Variants in EFCAB5 observed in about 807,000 individuals in gnomAD.
EFCAB5 encodes EF-hand calcium-binding domain-containing protein 5.
In EFCAB5, 131 loss-of-function variants were observed where a neutral mutation model predicts 167.9. That is an observed-to-expected ratio of 0.78 (90% CI 0.68 to 0.90). The LOEUF is 0.90. Among genes scored for constraint, EFCAB5 ranks in the 40% least tolerant of loss-of-function variants. EFCAB5 has a pLI of 0.00. For synonymous variants in EFCAB5, 574 were observed against 602.8 expected (o/e 0.95, Z 0.70); for missense variants, 1,663 against 1,745.2 (o/e 0.95, Z 0.84).
intron 14 of EFCAB5, among the ~76,000 whole-genome samples, chr17:30,060,958 G>T (rs1188529341): frequency 6.6e-6 from 1 of 152,126 alleles, no homozygotes; most frequent in Non-Finnish European, 1.5e-5. Flanking sequence ...GAAGGCTTTA[G>T]ATATGAAGAA....
In EFCAB5 at chr17:30,089,889, C is replaced by T. The variant is rs144623385; in HGVS notation, c.3684-532C>T. Among the ~76,000 whole-genome samples the T allele has an allele frequency of 4.3e-4, 65 of 152,258 alleles. No homozygotes were observed. The East Asian group carries it at 0.011, about 27-fold the overall frequency. On this transcript the variant is annotated intron_variant, in intron 19 of 22. Coordinates refer to ENST00000394835, the MANE Select transcript of EFCAB5 (RefSeq NM_198529.4). ...TTCAGAGCTCCCCTTGGGATCAGGC[C>T]GAGGCTAGACTTCATGTGAAATTAC...
At chr17:29,936,731 C>T (rs1332744874), upstream of EFCAB5, among the ~76,000 whole-genome samples, 1 of 152,200 alleles carries the variant, frequency 6.6e-6, no homozygotes, top group African/African-American at 2.4e-5. Flanking sequence ...CTCTGGTTTG[C>T]ATATATCTCT....
chr17:29,960,327 T>C (rs2067696173), intron 3 of EFCAB5, among the ~76,000 whole-genome samples: 1 of 152,160 alleles, frequency 6.6e-6, no homozygotes, highest in Non-Finnish European at 1.5e-5. Flanking sequence ...CTTATGAAGG[T>C]GCTTTCTTGT....
chr17:30,028,881 G>C (rs1477096709), intron 7 of EFCAB5, among the ~76,000 whole-genome samples: 4 of 152,088 alleles, frequency 2.6e-5, no homozygotes, highest in Non-Finnish European at 5.9e-5. Context: ...TCTTCTTTAA[G>C]AACACTAGTC....
intron 1 of EFCAB5, among the ~76,000 whole-genome samples, chr17:29,933,396 T>C (rs2067219024): frequency 6.6e-6 from 1 of 152,214 alleles, no homozygotes; most frequent in African/African-American, 2.4e-5. Flanking sequence ...GCCCCATTTA[T>C]ACCTAATTTC....
chr17:29,997,439 C>A (rs1192226590), intron 6 of EFCAB5, among the ~76,000 whole-genome samples: 2 of 150,960 alleles, frequency 1.3e-5, no homozygotes, highest in African/African-American at 4.9e-5. Flanking sequence ...TGGAATAGGG[C>A]AAAATGAATA....
In EFCAB5 at chr17:30,108,274, T is replaced by G. The variant is rs1270993458; in HGVS notation, c.*250T>G. ...TATAGAATATATTTGAAAGCTTCCTTTCAGTTTGAGCTTTGTATCTGCTGT... is the reference window on the plus strand; with the variant it reads ...TATAGAATATATTTGAAAGCTTCCTGTCAGTTTGAGCTTTGTATCTGCTGT... On this transcript the variant is annotated 3_prime_UTR_variant, in exon 23 of 23. Transcript: ENST00000394835. 1 of 317,898 alleles carries G rather than the reference T, an allele frequency of 3.1e-6. No homozygotes were observed. The highest frequency in any genetic ancestry group is 2.2e-5 in the African/African-American group (1 of 44,608). 19.7% of individuals were successfully genotyped at this position (317,898 alleles called of 1,614,324 possible).
chr17:30,019,158 C>G (rs569021817), intron 7 of EFCAB5, among the ~76,000 whole-genome samples: 1 of 152,262 alleles, frequency 6.6e-6, no homozygotes, highest in South Asian at 2.1e-4. Context: ...TCTTTGTAAG[C>G]ATGCCTGGGC....
intron 22 of EFCAB5, among the ~76,000 whole-genome samples, chr17:30,100,494 G>A (rs1041675531): frequency 3.3e-5 from 5 of 152,190 alleles, no homozygotes; most frequent in Admixed American, 6.5e-5. Flanking sequence ...TAGGCCGGGC[G>A]TGGTGGCTCA....
At chr17:29,988,787 C>CA (rs1298016960) in intron 4 of EFCAB5, among the ~76,000 whole-genome samples, 1 of 151,690 alleles carries the variant, frequency 6.6e-6, no homozygotes, top group Non-Finnish European at 1.5e-5. Context: ...CAATTTGATC[C>CA]AAAAAAGGAG....
chr17:29,930,628 C>T (rs1489070017), intron 1 of EFCAB5, among the ~76,000 whole-genome samples: 2 of 152,094 alleles, frequency 1.3e-5, no homozygotes, highest in Non-Finnish European at 2.9e-5. Context: ...AACCCTCTCA[C>T]TGGGCGCAGA....
At chr17:30,039,567 G>C (rs922875190) in intron 8 of EFCAB5, among the ~76,000 whole-genome samples, 1 of 152,176 alleles carries the variant, frequency 6.6e-6, no homozygotes, top group African/African-American at 2.4e-5. Context: ...TTGTGGTGGA[G>C]GTACCAAGAT....
chr17:30,046,798 G>A (rs1380284744), intron 8 of EFCAB5, among the ~76,000 whole-genome samples: 2 of 152,152 alleles, frequency 1.3e-5, no homozygotes, highest in East Asian at 3.8e-4. Context: ...CATTTAGCTT[G>A]CAAGGAGGTG....
chr17:30,076,889 C>T (rs1236719964), intron 14 of EFCAB5, among the ~76,000 whole-genome samples: 1 of 152,138 alleles, frequency 6.6e-6, no homozygotes, highest in African/African-American at 2.4e-5. Context: ...GCTACAGTAA[C>T]AACATAGAAA....
rs1449968267 is a variant in EFCAB5, at chr17:29,951,532, T to C, written c.190+7883T>C. 1.7e-4 allele frequency among the ~76,000 whole-genome samples: 25 copies of C among 147,910 alleles called. No individual in the cohort carries two copies. The East Asian group carries it at 5.1e-3, about 30-fold the overall frequency. On this transcript the variant is annotated intron_variant, in intron 3 of 22. Transcript: ENST00000394835. ...TTTTGTATTTTTTTTTTTATTTTTT[T>C]TTTTAGTAGAGACGGGGTTTCACCA...
intron 7 of EFCAB5, among the ~76,000 whole-genome samples, chr17:30,026,958 T>G (rs11656798): frequency 7.1e-6 from 1 of 140,190 alleles, no homozygotes; most frequent in Non-Finnish European, 1.5e-5. Flanking sequence ...TACCTCCTTG[T>G]ACCTTTTTTT....
At chr17:30,046,842 C>T (rs1476613146) in intron 8 of EFCAB5, among the ~76,000 whole-genome samples, 3 of 152,174 alleles carry the variant, frequency 2.0e-5, no homozygotes, top group Non-Finnish European at 2.9e-5. Flanking sequence ...GTACAACATT[C>T]ATTGCCTTTA....
chr17:30,064,861 C>T (rs980366642), intron 14 of EFCAB5, among the ~76,000 whole-genome samples: 1 of 152,144 alleles, frequency 6.6e-6, no homozygotes, highest in Non-Finnish European at 1.5e-5. Flanking sequence ...AGAATAGCAA[C>T]AGATTTTGTT....
chr17:29,951,530 T>A (rs1379827163), intron 3 of EFCAB5, among the ~76,000 whole-genome samples: 1 of 145,054 alleles, frequency 6.9e-6, no homozygotes, highest in Non-Finnish European at 1.6e-5. Flanking sequence ...TTTTTATTTT[T>A]TTTTTTAGTA....
Sources: allele counts gnomAD v4.1 joint callset (sites outside exome capture counted in the v4.1 genomes callset), GRCh38; gene constraint gnomAD v4.1.1; transcripts MANE v1.5; gene names NCBI Gene and HGNC (gene_info 2026-07-23, HGNC 2026-07-21).